The following PCDHA9 variants were observed in gnomAD, a reference collection of about 807,000 sequenced individuals.
The protein encoded by PCDHA9 is protocadherin alpha-9.
Under a neutral mutation model 62.0 loss-of-function variants are expected in PCDHA9, and 62 were observed. The observed-to-expected ratio is 1.00, with a 90% CI of 0.81 to 1.23. The LOEUF (loss-of-function observed/expected upper bound fraction) is 1.23. Ranked by LOEUF, PCDHA9 falls within the 50% of genes most tolerant of loss-of-function variation. PCDHA9 has a pLI of 0.00. For synonymous variants in PCDHA9, 557 were observed against 567.6 expected (o/e 0.98, Z 0.27); for missense variants, 1,205 against 1,249.8 (o/e 0.96, Z 0.54).
chr5:140,938,753 T>G (rs1381426227), intron 1 of PCDHA9, among the ~76,000 whole-genome samples: 3 of 152,170 alleles, frequency 2.0e-5, no homozygotes, highest in Admixed American at 1.3e-4. Flanking sequence ...TTTAAAGGCA[T>G]AGTTATTGGG....
intron 2 of PCDHA9, among the ~76,000 whole-genome samples, chr5:140,981,053 A>T (rs1422870263): frequency 6.6e-6 from 1 of 152,206 alleles, no homozygotes; most frequent in Non-Finnish European, 1.5e-5. Flanking sequence ...AGATAATTCT[A>T]GAGTGTAGAC....
At chr5:140,917,940 G>T (rs2078445007) in intron 1 of PCDHA9, among the ~76,000 whole-genome samples, 1 of 151,950 alleles carries the variant, frequency 6.6e-6, no homozygotes, top group African/African-American at 2.4e-5. Flanking sequence ...AATAATATTG[G>T]TAGTTTGATA....
At chr5:140,977,865 G>C (rs2096778412) in intron 1 of PCDHA9, among the ~76,000 whole-genome samples, 4 of 152,172 alleles carry the variant, frequency 2.6e-5, no homozygotes, top group Non-Finnish European at 5.9e-5. Flanking sequence ...ACCAAATATG[G>C]TAAGTATAAT....
At chr5:140,922,023 T>C (rs1333266712) in intron 1 of PCDHA9, among the ~76,000 whole-genome samples, 3 of 152,086 alleles carry the variant, frequency 2.0e-5, no homozygotes, top group African/African-American at 7.2e-5. Context: ...AAAATAAATA[T>C]AAAAAATGTA....
Position 140,858,255 on chromosome 5 carries a change from C to T in PCDHA9, c.2394+7366C>T, listed in dbSNP as rs782505724. On this transcript the variant is annotated intron_variant, in intron 1 of 3. Coordinates refer to ENST00000532602, the MANE Select transcript of PCDHA9 (RefSeq NM_031857.2). ...GGCGCATGTGGGCCGGTGAAGCCCA[C>T]GCTGGTGTGCTCTAGCGCGGTGGGG... The T allele has an allele frequency of 1.9e-6, 3 of 1,596,960 alleles. No individual in the cohort carries two copies. In the South Asian group the frequency reaches 3.3e-5, roughly 18 times the overall value.
intron 1 of PCDHA9, among the ~76,000 whole-genome samples, chr5:140,898,222 T>G (rs1373386970): frequency 1.3e-5 from 2 of 152,230 alleles, no homozygotes; most frequent in Non-Finnish European, 2.9e-5. Flanking sequence ...TTTTGGCTTT[T>G]GTTGCCATTG....
intron 1 of PCDHA9, chr5:140,851,446 T>G (rs576126527): frequency 1.1e-6 from 1 of 916,006 alleles, no homozygotes; most frequent in South Asian, 5.0e-5. Flanking sequence ...GTTGCTCCAC[T>G]TTAGGAATCA....
chr5:140,950,536 T>A (rs182006309), intron 1 of PCDHA9, among the ~76,000 whole-genome samples: 1 of 152,222 alleles, frequency 6.6e-6, no homozygotes, highest in East Asian at 1.9e-4. Flanking sequence ...TTTTTGTTGC[T>A]CTTGCATGGC....
At chr5:140,877,599 C>T (rs1325384029) in intron 1 of PCDHA9, 5 of 1,613,882 alleles carry the variant, frequency 3.1e-6, no homozygotes, top group East Asian at 2.2e-5. Context: ...CGGTGTCCAG[C>T]CTGCTGGTGC....
Position 141,009,628 on chromosome 5 carries a change from A to G in PCDHA9, c.2544A>G (p.Glu848=), listed in dbSNP as rs1441195912. The G allele has an allele frequency of 1.2e-6, 2 of 1,613,000 alleles. No individual in the cohort carries two copies. The highest frequency in any genetic ancestry group is 2.2e-5 in the East Asian group (1 of 44,852). Residue 848 remains glutamate, a splice_region_variant and synonymous_variant, in exon 4 of 4, where the codon GAA becomes GAG. Coordinates refer to ENST00000532602, the MANE Select transcript of PCDHA9 (RefSeq NM_031857.2). ...GATTTGTAATGTTTTGTCTTTCAGA[A>G]CCAGAGGCAGGAGAAGTGTCCCCTC... is the stretch of plus-strand genomic sequence containing the variant. ...QWPTVSSATP[E]PEAGEVSPPV...
At chr5:140,976,403 TA>T (rs1469780321) in intron 1 of PCDHA9, among the ~76,000 whole-genome samples, 1 of 151,936 alleles carries the variant, frequency 6.6e-6, no homozygotes, top group Non-Finnish European at 1.5e-5. Flanking sequence ...ATTCAAAAAT[TA>T]GCCAGGTACG....
At position 140,857,302 on chromosome 5, in the gene PCDHA9, G is replaced by C. The variant is rs782029015; in HGVS notation, c.2394+6413G>C. 5.0e-6 allele frequency: 8 copies of C among 1,598,652 alleles called. 1 individual carries two copies. The highest frequency in any genetic ancestry group is 3.4e-5 in the Admixed American group (2 of 59,338). On this transcript the variant is annotated intron_variant, in intron 1 of 3. Transcript: ENST00000532602. ...GCGCTCTGGACCGCGAGAGGGTGTCGGCCTATGAGCTGGTGGTGACCGCGC... is the reference window on the plus strand; with the variant it reads ...GCGCTCTGGACCGCGAGAGGGTGTCCGCCTATGAGCTGGTGGTGACCGCGC...
intron 1 of PCDHA9, among the ~76,000 whole-genome samples, chr5:140,886,252 C>G (rs1368508838): frequency 6.6e-6 from 1 of 151,858 alleles, no homozygotes; most frequent in Non-Finnish European, 1.5e-5. Flanking sequence ...ATAAAAGTAT[C>G]TCTATTTATA....
intron 1 of PCDHA9, among the ~76,000 whole-genome samples, chr5:140,922,038 T>A (rs1048446579): frequency 6.6e-6 from 1 of 152,088 alleles, no homozygotes. Context: ...AATGTAATTT[T>A]CCCACATACC....
intron 1 of PCDHA9, chr5:140,882,984 C>T (rs2059393576): frequency 2.5e-6 from 4 of 1,614,178 alleles, no homozygotes; most frequent in Non-Finnish European, 2.5e-6. Flanking sequence ...AATGACAACG[C>T]CCCGGAATTT....
chr5:140,984,168 A>C (rs1181991691), intron 3 of PCDHA9, among the ~76,000 whole-genome samples: 1 of 152,204 alleles, frequency 6.6e-6, no homozygotes, highest in Non-Finnish European at 1.5e-5. Context: ...TTCCCAAAGA[A>C]GCCACGTGAA....
chr5:140,882,870 A>T, intron 1 of PCDHA9: 1 of 1,614,196 alleles, frequency 6.2e-7, no homozygotes, highest in South Asian at 1.1e-5. Flanking sequence ...AAAACACTGG[A>T]CAGAGAGGAA....
intron 1 of PCDHA9, among the ~76,000 whole-genome samples, chr5:140,921,878 A>C (rs2153562324): frequency 6.6e-6 from 1 of 152,204 alleles, no homozygotes; most frequent in South Asian, 2.1e-4. Context: ...TATATATATA[A>C]GATTTTAGAA....
At chr5:140,883,636 G>A (rs781839349) in intron 1 of PCDHA9, 5 of 1,613,974 alleles carry the variant, frequency 3.1e-6, no homozygotes, top group South Asian at 2.2e-5. Context: ...CGGCGTTCGC[G>A]CAGCCCGAGT....
Sources: allele counts gnomAD v4.1 joint callset (sites outside exome capture counted in the v4.1 genomes callset), GRCh38; gene constraint gnomAD v4.1.1; transcripts MANE v1.5; gene names NCBI Gene and HGNC (gene_info 2026-07-23, HGNC 2026-07-21).